BTRC: variants seen among roughly 807,000 people sequenced by gnomAD.
The protein encoded by BTRC is F-box/WD repeat-containing protein 1A.
A neutral mutation model predicts 85.5 loss-of-function variants in BTRC; 42 were observed. That is an observed-to-expected ratio of 0.49 (90% CI 0.38 to 0.64). The LOEUF is 0.64. Ranked by LOEUF, BTRC falls within the 30% of genes least tolerant of loss-of-function variation. The probability of loss-of-function intolerance (pLI) is 0.00; values close to 1 mark genes in which losing one functional copy is unlikely to be tolerated. For synonymous variants in BTRC, 255 were observed against 263.3 expected, an observed-to-expected ratio of 0.97 and a Z score of 0.30; for missense variants, 594 against 743.5, an observed-to-expected ratio of 0.80 and a Z score of 2.34.
At chr10:101,448,803 A>G (rs2134132615) in intron 2 of BTRC, among the ~76,000 whole-genome samples, 1 of 152,092 alleles carries the variant, frequency 6.6e-6, no homozygotes, top group South Asian at 2.1e-4. Flanking sequence ...GATATAATGT[A>G]TGGTGTATAA....
chr10:101,549,701 G>A (rs945116112), intron 13 of BTRC, among the ~76,000 whole-genome samples: 5 of 43,680 alleles, frequency 1.1e-4, no homozygotes, highest in Non-Finnish European at 2.0e-4. Context: ...GCGAAAGAGC[G>A]AGACTCTGTC....
At chr10:101,485,332 C>T (rs1945953804) in intron 4 of BTRC, among the ~76,000 whole-genome samples, 1 of 152,228 alleles carries the variant, frequency 6.6e-6, no homozygotes, top group Non-Finnish European at 1.5e-5. Flanking sequence ...TGAAAGCTGT[C>T]AACAAAATGT....
chr10:101,388,620 G>A (rs1943146696), intron 1 of BTRC, among the ~76,000 whole-genome samples: 1 of 152,104 alleles, frequency 6.6e-6, no homozygotes, highest in South Asian at 2.1e-4. Context: ...TTCCCAAGTA[G>A]CTGGGACTAC....
In BTRC at chr10:101,383,382, A is replaced by G. The variant is rs12415936; in HGVS notation, c.48+29154A>G. Among the ~76,000 whole-genome samples the G allele has an allele frequency of 1.5e-4, 21 of 143,630 alleles. No homozygotes were observed. In the South Asian group the frequency reaches 2.2e-3, roughly 15 times the overall value. 94.2% of individuals were successfully genotyped at this position (143,630 alleles called of 152,430 possible). On this transcript the variant is annotated intron_variant, in intron 1 of 14. Transcript: ENST00000370187. ...CACTTTGAGGACTGCTGTGGCTTCT[A>G]TAAGTCTTCCTTTTTAAAAAAAAAA...
At chr10:101,463,263 C>T (rs1945278306) in intron 3 of BTRC, among the ~76,000 whole-genome samples, 2 of 152,130 alleles carry the variant, frequency 1.3e-5, no homozygotes, top group African/African-American at 2.4e-5. Flanking sequence ...CCAGGCTGGT[C>T]GCAAACTCTT....
In BTRC at chr10:101,554,127, T is replaced by C. The variant is rs1319639941; in HGVS notation, c.*1004T>C. On this transcript the variant is annotated 3_prime_UTR_variant, in exon 15 of 15. Coordinates refer to ENST00000370187, the MANE Select transcript of BTRC (RefSeq NM_033637.4). ...TGCATCTTTTCTGGACTCAGCAGTCTCCTTGATTCCATGTAGAGTGTGGAA... is the reference window on the plus strand; with the variant it reads ...TGCATCTTTTCTGGACTCAGCAGTCCCCTTGATTCCATGTAGAGTGTGGAA... 6.6e-6 allele frequency: 1 copy of C among 152,232 alleles called. No individual in the cohort carries two copies. The highest frequency in any genetic ancestry group is 6.5e-5 in the Admixed American group (1 of 15,288). 9.4% of individuals were successfully genotyped at this position (152,232 alleles called of 1,614,324 possible). A position where few individuals can be genotyped will look rare whatever the true frequency, so the allele number is the denominator to read the frequency against.
chr10:101,434,574 T>C (rs1003969869), intron 2 of BTRC, among the ~76,000 whole-genome samples: 16 of 152,124 alleles, frequency 1.1e-4, no homozygotes, highest in African/African-American at 3.9e-4. Context: ...ATAAAAGAAA[T>C]AACTGATAAA....
intron 1 of BTRC, among the ~76,000 whole-genome samples, chr10:101,409,857 A>G (rs1384854452): frequency 6.6e-6 from 1 of 152,202 alleles, no homozygotes; most frequent in East Asian, 1.9e-4. Context: ...CCAATTTTGA[A>G]TAATGCTACT....
intron 3 of BTRC, among the ~76,000 whole-genome samples, chr10:101,472,419 A>T (rs894576417): frequency 6.6e-6 from 1 of 151,820 alleles, no homozygotes; most frequent in African/African-American, 2.4e-5. Flanking sequence ...ATCCTCCTGC[A>T]TTGGCTTCCC....
intron 1 of BTRC, among the ~76,000 whole-genome samples, chr10:101,366,615 A>G (rs1564729436): frequency 1.3e-5 from 2 of 150,254 alleles, no homozygotes; most frequent in South Asian, 4.2e-4. Context: ...GAGGTGGGCA[A>G]TTCCAAGAAT....
At chr10:101,413,184 G>A (rs34881531) in intron 1 of BTRC, among the ~76,000 whole-genome samples, 41,417 of 152,070 alleles carry the variant, frequency 0.27, 6,748 homozygotes, top group South Asian at 0.4. Context: ...GAGTGCAGTG[G>A]TGCAATCTCG....
At chr10:101,485,261 T>C (rs1390389310) in intron 4 of BTRC, among the ~76,000 whole-genome samples, 2 of 152,198 alleles carry the variant, frequency 1.3e-5, no homozygotes, top group Non-Finnish European at 2.9e-5. Context: ...AGTAATTGCT[T>C]GTGCAGTCTT....
chr10:101,377,820 A>G (rs1942828303), intron 1 of BTRC, among the ~76,000 whole-genome samples: 1 of 152,182 alleles, frequency 6.6e-6, no homozygotes, highest in Non-Finnish European at 1.5e-5. Flanking sequence ...AAGCCTATCT[A>G]CAAAGTTTTA....
chr10:101,369,157 A>G (rs1253562638), intron 1 of BTRC, among the ~76,000 whole-genome samples: 3 of 152,014 alleles, frequency 2.0e-5, no homozygotes, highest in Non-Finnish European at 2.9e-5. Context: ...CTGTTTAGAC[A>G]TAGTCTTTTG....
intron 3 of BTRC, among the ~76,000 whole-genome samples, chr10:101,462,547 C>T (rs1441761515): frequency 3.3e-5 from 5 of 151,736 alleles, no homozygotes; most frequent in South Asian, 4.2e-4. Context: ...GGCATGCTGG[C>T]GCATGCCTGT....
At chr10:101,551,162 T>C in intron 14 of BTRC, 2 of 284,184 alleles carry the variant, frequency 7.0e-6, no homozygotes, top group East Asian at 6.0e-5. Flanking sequence ...AGTACTGTTA[T>C]GAAAATAAAA....
intron 1 of BTRC, among the ~76,000 whole-genome samples, chr10:101,366,930 A>T (rs12219141): frequency 1.3e-4 from 2 of 15,502 alleles, no homozygotes; most frequent in African/African-American, 5.9e-4. Flanking sequence ...ATATATATTT[A>T]TATATATTTA....
intron 9 of BTRC, 102 bp downstream of exon 9, chr10:101,533,172 A>C (rs2062326915): frequency 1.3e-6 from 1 of 747,088 alleles, no homozygotes; most frequent in Non-Finnish European, 2.1e-6. Context: ...TTCTGAAACT[A>C]AAGAAGAATA....
At chr10:101,427,486 G>T (rs1438653684) in intron 1 of BTRC, among the ~76,000 whole-genome samples, 5 of 147,720 alleles carry the variant, frequency 3.4e-5, no homozygotes, top group African/African-American at 1.3e-4. Flanking sequence ...TTTGAGACGG[G>T]TCCCTTCCTT....
Sources: gnomAD v4.1 joint callset for allele counts (sites outside exome capture counted in the v4.1 genomes callset) on GRCh38, gnomAD v4.1.1 for gene constraint, MANE v1.5 for transcripts, NCBI Gene and HGNC (gene_info 2026-07-23, HGNC 2026-07-21) for gene names.